Variants in NSMCE2 observed in about 807,000 individuals in gnomAD.
NSMCE2 encodes E3 SUMO-protein ligase NSE2.
NSMCE2 carries 24 observed loss-of-function variants against 23.8 expected under a neutral mutation model. The observed-to-expected ratio is 1.01, with a 90% confidence interval of 0.73 to 1.42. NSMCE2 has a LOEUF of 1.42. Among genes scored for constraint, NSMCE2 ranks in the 40% most tolerant of loss-of-function variants. NSMCE2 has a pLI of 0.00. For missense variants in NSMCE2, 284 were observed against 296.5 expected (o/e 0.96, Z 0.31); for synonymous variants, 92 against 94.1 (o/e 0.98, Z 0.13).
chr8:125,208,935 T>C (rs1216571800), intron 5 of NSMCE2, among the ~76,000 whole-genome samples: 1 of 152,228 alleles, frequency 6.6e-6, no homozygotes, highest in Non-Finnish European at 1.5e-5. Flanking sequence ...GTCAATGTTT[T>C]TTTCCTCTCC....
chr8:125,153,299 C>G (rs1420778699), intron 4 of NSMCE2, among the ~76,000 whole-genome samples: 1 of 152,072 alleles, frequency 6.6e-6, no homozygotes, highest in Non-Finnish European at 1.5e-5. Flanking sequence ...GATTCCGATG[C>G]TTATCAGGAA....
At chr8:125,237,938 C>T (rs1412854221) in intron 5 of NSMCE2, among the ~76,000 whole-genome samples, 1 of 152,118 alleles carries the variant, frequency 6.6e-6, no homozygotes, top group African/African-American at 2.4e-5. Flanking sequence ...GCTATGTTAC[C>T]CCATGACAGT....
At chr8:125,259,456 T>C (rs1328396875) in intron 5 of NSMCE2, among the ~76,000 whole-genome samples, 1 of 152,130 alleles carries the variant, frequency 6.6e-6, no homozygotes, top group African/African-American at 2.4e-5. Flanking sequence ...AAAATCTAAC[T>C]AATGCCTGAT....
chr8:125,251,032 CA>C (rs953541055), intron 5 of NSMCE2, among the ~76,000 whole-genome samples: 3 of 152,012 alleles, frequency 2.0e-5, no homozygotes, highest in African/African-American at 7.3e-5. Context: ...AATTATATAG[CA>C]GCTGTTAAAA....
At chr8:125,306,875 T>C (rs1391539752) in intron 5 of NSMCE2, among the ~76,000 whole-genome samples, 1 of 152,248 alleles carries the variant, frequency 6.6e-6, no homozygotes, top group African/African-American at 2.4e-5. Context: ...GATGGGAATA[T>C]AATGATATTA....
At chr8:125,230,012 A>G (rs1825255293) in intron 5 of NSMCE2, among the ~76,000 whole-genome samples, 1 of 152,172 alleles carries the variant, frequency 6.6e-6, no homozygotes, top group Non-Finnish European at 1.5e-5. Context: ...AAACACTAAA[A>G]CGATTTTAGT....
intron 5 of NSMCE2, among the ~76,000 whole-genome samples, chr8:125,323,406 A>C (rs1829530645): frequency 1.3e-5 from 2 of 152,240 alleles, no homozygotes; most frequent in Admixed American, 1.3e-4. Flanking sequence ...TCAAGACTTA[A>C]TGAAGCTATA....
At chr8:125,122,929 C>T (rs1366284046) in intron 3 of NSMCE2, among the ~76,000 whole-genome samples, 1 of 152,126 alleles carries the variant, frequency 6.6e-6, no homozygotes, top group Non-Finnish European at 1.5e-5. Context: ...CAGCCATAAA[C>T]AATATGTAAA....
chr8:125,319,256 A>G (rs537810750), intron 5 of NSMCE2, among the ~76,000 whole-genome samples: 1 of 152,318 alleles, frequency 6.6e-6, no homozygotes, highest in South Asian at 2.1e-4. Context: ...GCATCCAAGA[A>G]CAAAACTCAA....
chr8:125,104,459 C>CT (rs1266241325), intron 3 of NSMCE2, among the ~76,000 whole-genome samples: 1 of 152,172 alleles, frequency 6.6e-6, no homozygotes, highest in African/African-American at 2.4e-5. Flanking sequence ...CTTCTGGAGT[C>CT]TCTCTTGATT....
At chr8:125,225,477 G>T (rs116224088) in intron 5 of NSMCE2, among the ~76,000 whole-genome samples, 3,597 of 152,258 alleles carry the variant, frequency 0.024, 135 homozygotes, top group African/African-American at 0.08. Flanking sequence ...TGAGAGAGCT[G>T]CAAAAAGAGG....
chr8:125,125,318 A>T (rs560561819), intron 3 of NSMCE2, among the ~76,000 whole-genome samples: 1 of 152,302 alleles, frequency 6.6e-6, no homozygotes, highest in East Asian at 1.9e-4. Context: ...TTCCTCCTGC[A>T]GTGGCCTTCT....
chr8:125,326,203 G>A (rs1484885066), intron 5 of NSMCE2, among the ~76,000 whole-genome samples: 2 of 152,092 alleles, frequency 1.3e-5, no homozygotes, highest in East Asian at 3.9e-4. Flanking sequence ...CTTGCAGTGA[G>A]CCGAGATTGC....
intron 5 of NSMCE2, among the ~76,000 whole-genome samples, chr8:125,337,274 C>T (rs74484427): frequency 0.033 from 5,029 of 152,276 alleles, 108 homozygotes; most frequent in Middle Eastern, 0.095. Context: ...TGCTGACTTG[C>T]AACCCTACAC....
At chr8:125,280,814 A>G (rs192022427) in intron 5 of NSMCE2, among the ~76,000 whole-genome samples, 4 of 152,368 alleles carry the variant, frequency 2.6e-5, no homozygotes, top group African/African-American at 9.6e-5. Context: ...TTTATCACAT[A>G]AGATTCAAAG....
At chr8:125,135,027 C>T (rs1366647057) in intron 3 of NSMCE2, among the ~76,000 whole-genome samples, 1 of 152,180 alleles carries the variant, frequency 6.6e-6, no homozygotes, top group Non-Finnish European at 1.5e-5. Context: ...CCCACCTCAG[C>T]CTCCTGAGTA....
chr8:125,148,424 G>A (rs1200512174), intron 3 of NSMCE2, among the ~76,000 whole-genome samples: 1 of 152,100 alleles, frequency 6.6e-6, no homozygotes, highest in Non-Finnish European at 1.5e-5. Context: ...AATATCTTAG[G>A]CACATTCTGA....
intron 5 of NSMCE2, among the ~76,000 whole-genome samples, chr8:125,185,586 G>A (rs552830142): frequency 1.3e-5 from 2 of 152,302 alleles, no homozygotes; most frequent in East Asian, 1.9e-4. Context: ...GATTACAGGC[G>A]TGAGCCACTG....
chr8:125,355,555 C>T (rs191329012), intron 5 of NSMCE2, among the ~76,000 whole-genome samples: 62 of 152,114 alleles, frequency 4.1e-4, no homozygotes, highest in African/African-American at 1.4e-3. Flanking sequence ...CAAAAATTAG[C>T]CAGGCATGGT....
Sources: allele counts gnomAD v4.1 joint callset (sites outside exome capture counted in the v4.1 genomes callset), GRCh38; gene constraint gnomAD v4.1.1; transcripts MANE v1.5; gene names NCBI Gene and HGNC (gene_info 2026-07-23, HGNC 2026-07-21).